The following RIN2 variants were observed in gnomAD, a reference collection of about 807,000 sequenced individuals.
RIN2 encodes RAB5 interacting protein 2.
RIN2 carries 36 observed loss-of-function variants against 78.0 expected under a neutral mutation model. The ratio of observed to expected loss-of-function variants is 0.46; its 90% CI spans 0.35 to 0.61. The LOEUF (loss-of-function observed/expected upper bound fraction) is 0.61, where lower values mean the gene tolerates loss of function less well. Ranked by LOEUF, RIN2 falls within the 20% of genes least tolerant of loss-of-function variation. RIN2 has a pLI of 0.00. For synonymous variants in RIN2, 466 were observed against 466.8 expected (o/e 1.00, Z 0.02); for missense variants, 1,087 against 1,159.7 (o/e 0.94, Z 0.91).
At chr20:19,998,232 T>G (rs1397432739) in intron 12 of RIN2, among the ~76,000 whole-genome samples, 4 of 151,988 alleles carry the variant, frequency 2.6e-5, no homozygotes, top group African/African-American at 9.7e-5. Context: ...TCCACCCGCC[T>G]CAGCTTCCCA....
In RIN2 at chr20:19,820,944, A is replaced by G. The variant is rs559703877; in HGVS notation, c.-37+21197A>G. On this transcript the variant is annotated intron_variant, in intron 2 of 12. Transcript: ENST00000255006. The stretch of plus-strand genomic sequence containing the variant: ...ACCAAGGGTTTCACATATTTAGTAA[A>G]TATGTGAAATTACTGAATATGCTGC... Among the ~76,000 whole-genome samples the G allele has an allele frequency of 1.6e-4, 24 of 152,230 alleles. No individual in the cohort carries two copies. In the South Asian group the frequency reaches 4.6e-3, roughly 29 times the overall value.
chr20:19,847,242 G>A (rs2036814600), intron 2 of RIN2, among the ~76,000 whole-genome samples: 1 of 152,082 alleles, frequency 6.6e-6, no homozygotes, highest in Admixed American at 6.6e-5. Flanking sequence ...CAGTTTTCAT[G>A]TAATTTTTCC....
intron 2 of RIN2, among the ~76,000 whole-genome samples, chr20:19,852,960 T>A (rs6046370): frequency 1.3e-5 from 2 of 150,444 alleles, no homozygotes; most frequent in Admixed American, 6.6e-5. Context: ...TGTATACATG[T>A]GCCATGTTGG....
chr20:19,851,983 G>A (rs994502329), intron 2 of RIN2, among the ~76,000 whole-genome samples: 3 of 152,128 alleles, frequency 2.0e-5, no homozygotes, highest in African/African-American at 7.2e-5. Flanking sequence ...GCTGCAAGTC[G>A]TGGATTGGTT....
At chr20:19,896,510 A>G (rs529283243) in intron 3 of RIN2, among the ~76,000 whole-genome samples, 1 of 152,344 alleles carries the variant, frequency 6.6e-6, no homozygotes, top group South Asian at 2.1e-4. Flanking sequence ...GCCTCCCAGC[A>G]GATCCCCTGG....
At chr20:19,983,845 G>A (rs1304601808) in intron 9 of RIN2, among the ~76,000 whole-genome samples, 1 of 151,562 alleles carries the variant, frequency 6.6e-6, no homozygotes, top group Non-Finnish European at 1.5e-5. Context: ...ACCTCATGTT[G>A]TATCTTTGTC....
upstream of RIN2, chr20:19,758,160 C>G (rs1354675557): frequency 6.6e-6 from 1 of 151,874 alleles, no homozygotes; most frequent in African/African-American, 2.4e-5. Flanking sequence ...CTTCCCTCCC[C>G]TCCTCCTCTT....
intron 9 of RIN2, among the ~76,000 whole-genome samples, chr20:19,988,642 G>T (rs17395414): frequency 0.091 from 13,830 of 152,144 alleles, 826 homozygotes; most frequent in Non-Finnish European, 0.13. Flanking sequence ...TATGGTACTG[G>T]TCATTTTAGT....
upstream of RIN2, chr20:19,757,681 C>T (rs1262296540): frequency 6.6e-6 from 1 of 152,404 alleles, no homozygotes; most frequent in Non-Finnish European, 1.5e-5. Context: ...CCTTTCCAGC[C>T]CCTGCAACAG....
intron 1 of RIN2, among the ~76,000 whole-genome samples, chr20:19,758,802 G>A (rs1423877019): frequency 1.3e-5 from 2 of 152,202 alleles, no homozygotes; most frequent in African/African-American, 4.8e-5. Context: ...GGTCAGACCC[G>A]GTGTCGCACA....
At chr20:19,943,975 CTTTTTTTTTTTTTT>C (rs58524523) in intron 4 of RIN2, among the ~76,000 whole-genome samples, 6 of 95,880 alleles carry the variant, frequency 6.3e-5, no homozygotes, top group African/African-American at 2.2e-4. Flanking sequence ...TTTCAATATC[CTTTTTTTTTTTTTT>C]TTTTTTTTTT....
At chr20:19,907,082 G>A (rs1187438323) in intron 3 of RIN2, among the ~76,000 whole-genome samples, 1 of 152,168 alleles carries the variant, frequency 6.6e-6, no homozygotes, top group Non-Finnish European at 1.5e-5. Flanking sequence ...AGGTGGAAGG[G>A]CAGCAGAGAG....
intron 1 of RIN2, among the ~76,000 whole-genome samples, chr20:19,795,317 C>A (rs1451750304): frequency 6.6e-6 from 1 of 152,182 alleles, no homozygotes; most frequent in Admixed American, 6.5e-5. Context: ...ATATGTCATA[C>A]ATATTCAGTG....
chr20:19,831,622 C>T (rs371670806), intron 2 of RIN2, among the ~76,000 whole-genome samples: 3 of 152,198 alleles, frequency 2.0e-5, no homozygotes, highest in African/African-American at 7.2e-5. Context: ...TAAAGTTAAG[C>T]CCGTCAAGTA....
intron 1 of RIN2, among the ~76,000 whole-genome samples, chr20:19,763,206 G>A (rs1185509964): frequency 6.6e-6 from 1 of 152,132 alleles, no homozygotes; most frequent in Admixed American, 6.5e-5. Flanking sequence ...CCAACATGGT[G>A]AAACCCTGTC....
chr20:19,845,065 A>T (rs2036739036), intron 2 of RIN2, among the ~76,000 whole-genome samples: 1 of 152,060 alleles, frequency 6.6e-6, no homozygotes, highest in East Asian at 1.9e-4. Context: ...ACATGACCTC[A>T]TCCTTTTTTA....
chr20:19,990,014 C>T lies in RIN2; in HGVS notation c.1771C>T (p.Leu591=), dbSNP rs1273702093. ...TACACTTTCTTTGGCAGATGTGGTG[C>T]TGGAAAAAGCCATGCACAAGTGCAT... is the stretch of plus-strand genomic sequence containing the variant. The part of the protein sequence containing the change: ...LIPEDQIDVV[L]EKAMHKCILK... Residue 591 remains leucine, a synonymous_variant, in exon 10 of 13, where the codon CTG becomes TTG. Coordinates refer to ENST00000255006, the MANE Select transcript of RIN2 (RefSeq NM_018993.4). 1 of 1,555,520 alleles carries T rather than the reference C, an allele frequency of 6.4e-7. No individual in the cohort carries two copies. Among genetic ancestry groups the T allele is most frequent in the East Asian group, 2.3e-5 (1 of 43,982 alleles).
chr20:19,783,970 G>A (rs761396550), intron 1 of RIN2, among the ~76,000 whole-genome samples: 1 of 152,164 alleles, frequency 6.6e-6, no homozygotes, highest in Non-Finnish European at 1.5e-5. Flanking sequence ...GTGGAAGAGG[G>A]GACACGAGCA....
chr20:19,765,279 G>A (rs566169120), intron 1 of RIN2, among the ~76,000 whole-genome samples: 4 of 152,270 alleles, frequency 2.6e-5, no homozygotes, highest in East Asian at 3.9e-4. Flanking sequence ...GGGAAGACCC[G>A]AAAGATAGTT....
Sources: gnomAD v4.1 joint callset for allele counts (sites outside exome capture counted in the v4.1 genomes callset) on GRCh38, gnomAD v4.1.1 for gene constraint, MANE v1.5 for transcripts, NCBI Gene and HGNC (gene_info 2026-07-23, HGNC 2026-07-21) for gene names.